The following KDM7A variants were observed in gnomAD, a reference collection of about 807,000 sequenced individuals.
KDM7A encodes the protein lysine demethylase 7A.
A neutral mutation model predicts 114.8 loss-of-function variants in KDM7A; 28 were observed. The ratio of observed to expected loss-of-function variants is 0.24; its 90% CI spans 0.18 to 0.33. The LOEUF (loss-of-function observed/expected upper bound fraction) is 0.33. KDM7A is among the 10% of genes least tolerant of loss of function. The probability of loss-of-function intolerance (pLI) is 1.00; values close to 1 mark genes in which losing one functional copy is unlikely to be tolerated. For missense variants in KDM7A, 942 were observed against 1,142.5 expected (o/e 0.82, Z 2.53); for synonymous variants, 423 against 397.8 (o/e 1.06, Z -0.75).
intron 1 of KDM7A, among the ~76,000 whole-genome samples, chr7:140,166,586 C>T (rs1039014216): frequency 6.6e-6 from 1 of 152,114 alleles, no homozygotes; most frequent in Non-Finnish European, 1.5e-5. Context: ...CATCCACCCA[C>T]CTTGGCCTCC....
intron 1 of KDM7A, among the ~76,000 whole-genome samples, chr7:140,144,710 T>TACACACACACACACACAC (rs3030431): frequency 1.4e-5 from 2 of 146,322 alleles, no homozygotes; most frequent in African/African-American, 5.0e-5. Flanking sequence ...GTCCCCACCA[T>TACACACACACACACACAC]ACACACACAC....
intron 2 of KDM7A, among the ~76,000 whole-genome samples, chr7:140,136,467 A>C (rs1818871562): frequency 1.3e-5 from 2 of 152,204 alleles, no homozygotes; most frequent in East Asian, 1.9e-4. Flanking sequence ...GGAATATTTT[A>C]GTAATGGTTA....
chr7:140,176,785 G>A lies in KDM7A; in HGVS notation c.153C>T (p.Phe51=), dbSNP rs1485699380. 7.0e-7 allele frequency: 1 copy of A among 1,424,104 alleles called. No homozygotes were observed. The highest frequency in any genetic ancestry group is 9.4e-7 in the Non-Finnish European group (1 of 1,067,474). The allele number at this position is 1,424,104 out of a possible 1,614,324, so 88.2% of individuals were successfully genotyped here. The part of the protein sequence containing the change: ...VCRQPYDVNR[F]MIECDICKDW... ...CCTTGCAGATATCGCACTCGATCAT[G>A]AAGCGGTTCACGTCGTACGGCTGCC... The change falls in exon 1 of 20, where the codon TTC becomes TTT. Residue 51 remains phenylalanine, a synonymous_variant. Transcript: ENST00000397560. The surrounding 1 kb of genome is among the most constrained non-coding windows in gnomAD (Gnocchi z 4.4).
intron 8 of KDM7A, among the ~76,000 whole-genome samples, chr7:140,119,741 T>C (rs984316134): frequency 2.0e-5 from 3 of 152,184 alleles, no homozygotes; most frequent in African/African-American, 7.2e-5. Context: ...TAAAGCCTTA[T>C]GCCCTGTAAA....
At position 140,176,064 on chromosome 7, in the gene KDM7A, G is replaced by A. The variant is rs1213371730; in HGVS notation, c.194+680C>T. Among the ~76,000 whole-genome samples, 1 of 151,530 alleles carries A rather than the reference G, an allele frequency of 6.6e-6. No individual in the cohort carries two copies. Among genetic ancestry groups the A allele is most frequent in the Non-Finnish European group, 1.5e-5 (1 of 67,806 alleles). On this transcript the variant is annotated intron_variant, in intron 1 of 19. Transcript: ENST00000397560. This position sits in a 1 kb window ranked among gnomAD's most constrained non-coding sequence, Gnocchi z 4.4. ...CCGGGGGCCCGGCCCCAACTTCCCC[G>A]GCACCTTTCAAGTCCCCGAGAGCGA...
At position 140,101,931 on chromosome 7, in the gene KDM7A, T is replaced by G; in HGVS notation, c.1638+20A>C. On this transcript the variant is annotated intron_variant, in intron 12 of 19. Coordinates refer to ENST00000397560, the MANE Select transcript of KDM7A (RefSeq NM_030647.2). ...GGAACAGCCAAGTTTCTTTTTGTTG[T>G]CATGAAACATAATACTTGCCTCTTC... 2 of 1,536,896 alleles carry G rather than the reference T, an allele frequency of 1.3e-6. No individual in the cohort carries two copies. The highest frequency in any genetic ancestry group is 1.8e-6 in the Non-Finnish European group (2 of 1,112,710).
At chr7:140,164,793 C>G (rs1041457007) in intron 1 of KDM7A, among the ~76,000 whole-genome samples, 1 of 152,016 alleles carries the variant, frequency 6.6e-6, no homozygotes, top group African/African-American at 2.4e-5. Context: ...TTCAAAGTAG[C>G]CAGGTAAGGG....
rs573591629 is a variant in KDM7A at position 140,136,020 on chromosome 7, C to T, written c.281-2364G>A. Among the ~76,000 whole-genome samples the T allele has an allele frequency of 2.6e-4, 40 of 152,166 alleles. 1 individual carries two copies. The highest frequency in any genetic ancestry group is 8.2e-4 in the African/African-American group (34 of 41,512). ...TGTCACCCAGGCTGGAGTACAGTGG[C>T]GCAATCACAGTTCACTGCAGCCTCA... On this transcript the variant is annotated intron_variant, in intron 2 of 19. Coordinates refer to ENST00000397560, the MANE Select transcript of KDM7A (RefSeq NM_030647.2).
At chr7:140,124,069 CA>C (rs71170945) in intron 7 of KDM7A, among the ~76,000 whole-genome samples, 1,622 of 112,640 alleles carry the variant, frequency 0.014, 17 homozygotes, top group African/African-American at 0.045. Context: ...GACTCTGTCT[CA>C]AAAAAAAAAA....
At chr7:140,110,371 G>A (rs867220068) in intron 11 of KDM7A, among the ~76,000 whole-genome samples, 5 of 152,014 alleles carry the variant, frequency 3.3e-5, no homozygotes, top group Middle Eastern at 3.4e-3. Context: ...TCCTCTATCT[G>A]AACACATTGA....
chr7:140,144,267 C>T (rs1369216836), intron 1 of KDM7A, among the ~76,000 whole-genome samples: 1 of 152,214 alleles, frequency 6.6e-6, no homozygotes, highest in Non-Finnish European at 1.5e-5. Flanking sequence ...AAAGAAGAGT[C>T]TGTTCTACAA....
intron 1 of KDM7A, among the ~76,000 whole-genome samples, chr7:140,150,959 G>C (rs1194887129): frequency 2.0e-5 from 3 of 151,600 alleles, no homozygotes; most frequent in Non-Finnish European, 4.4e-5. Flanking sequence ...CTCCTGAGTA[G>C]CTAAGGATTA....
chr7:140,156,654 C>A (rs1179727477), intron 1 of KDM7A, among the ~76,000 whole-genome samples: 1 of 152,210 alleles, frequency 6.6e-6, no homozygotes, highest in Non-Finnish European at 1.5e-5. Flanking sequence ...TCTACTATCT[C>A]CCATTAGATA....
intron 18 of KDM7A, among the ~76,000 whole-genome samples, chr7:140,093,161 C>T (rs1017619102): frequency 5.3e-5 from 8 of 152,150 alleles, no homozygotes; most frequent in African/African-American, 1.9e-4. Flanking sequence ...TCTATATACA[C>T]GGGTGTCTCC....
intron 8 of KDM7A, among the ~76,000 whole-genome samples, chr7:140,120,089 C>T (rs1400835800): frequency 6.6e-6 from 1 of 152,108 alleles, no homozygotes; most frequent in African/African-American, 2.4e-5. Context: ...CTTACGGTTG[C>T]TTTTTTCTAG....
chr7:140,175,780 G>A (rs1250767231), intron 1 of KDM7A, among the ~76,000 whole-genome samples: 5 of 151,224 alleles, frequency 3.3e-5, no homozygotes, highest in Admixed American at 3.3e-4. Flanking sequence ...CCGCCAGCCG[G>A]CCCCGCAGCG....
intron 9 of KDM7A, among the ~76,000 whole-genome samples, chr7:140,116,574 C>A (rs77773990): frequency 0.01 from 1,595 of 152,164 alleles, 23 homozygotes; most frequent in African/African-American, 0.037. Flanking sequence ...ATTGGCAAGG[C>A]TGTTTTTGCT....
At chr7:140,099,220 G>A (rs1422042070) in intron 13 of KDM7A, among the ~76,000 whole-genome samples, 187 bp from the exon 14 acceptor site, 1 of 152,076 alleles carries the variant, frequency 6.6e-6, no homozygotes, top group Non-Finnish European at 1.5e-5. Context: ...TTTGAGACAG[G>A]GTCTTGCTCT....
chr7:140,099,075 T>C, intron 13 of KDM7A, 42 bp from the exon 14 acceptor site: 2 of 1,468,974 alleles, frequency 1.4e-6, no homozygotes, highest in South Asian at 2.4e-5. Flanking sequence ...AGTGCAAGAC[T>C]CTGTAGCCAA....
Sources: gnomAD v4.1 joint callset for allele counts (sites outside exome capture counted in the v4.1 genomes callset) on GRCh38, gnomAD v4.1.1 for gene constraint, Gnocchi (gnomAD v3.1) non-coding constraint, MANE v1.5 for transcripts, NCBI Gene and HGNC (gene_info 2026-07-23, HGNC 2026-07-21) for gene names.